CUBN: variants seen among roughly 807,000 people sequenced by gnomAD.
CUBN encodes cubilin.
A neutral mutation model predicts 405.3 loss-of-function variants in CUBN; 282 were observed. The ratio of observed to expected loss-of-function variants is 0.70; its 90% CI spans 0.63 to 0.77. The LOEUF is 0.77. CUBN is among the 30% of genes least tolerant of loss of function. The probability of loss-of-function intolerance (pLI) is 0.00; values close to 1 mark genes in which losing one functional copy is unlikely to be tolerated. For missense variants in CUBN, 4,514 were observed against 4,475.2 expected, an observed-to-expected ratio of 1.01 and a Z score of -0.25; for synonymous variants, 1,684 against 1,617.0, an observed-to-expected ratio of 1.04 and a Z score of -0.99.
chr10:16,847,507 C>T (rs914877718), intron 60 of CUBN, among the ~76,000 whole-genome samples: 5 of 152,092 alleles, frequency 3.3e-5, no homozygotes, highest in East Asian at 1.9e-4. Context: ...TTTATTTGTA[C>T]TTTAAATGTA....
intron 27 of CUBN, among the ~76,000 whole-genome samples, chr10:17,036,661 C>T (rs574795275): frequency 6.6e-6 from 1 of 152,150 alleles, no homozygotes; most frequent in South Asian, 2.1e-4. Flanking sequence ...ATTCTAGAAT[C>T]TCGTAGATCA....
intron 14 of CUBN, among the ~76,000 whole-genome samples, chr10:17,091,077 T>A (rs557274296): frequency 6.6e-6 from 1 of 152,252 alleles, no homozygotes; most frequent in East Asian, 1.9e-4. Flanking sequence ...TTTTCAGTCC[T>A]GAGGTAAATA....
In CUBN at chr10:16,851,412, T is replaced by C; in HGVS notation, c.9486A>G (p.Thr3162=). 2 of 1,614,150 alleles carry C rather than the reference T, an allele frequency of 1.2e-6. No homozygotes were observed. Among genetic ancestry groups the C allele is most frequent in the Non-Finnish European group, 1.7e-6 (2 of 1,180,020 alleles). ...GAGAGGCAAAGGTATTATTCGAGCC[T>C]GTCAGATAACCACCACATCCTTGCT... is the stretch of plus-strand genomic sequence containing the variant. ...GPQQGCGGYL[T]GSNNTFASPD... The change falls in exon 60 of 67, where the codon ACA becomes ACG. Residue 3162 remains threonine, a synonymous_variant. Transcript: ENST00000377833.
intron 17 of CUBN, among the ~76,000 whole-genome samples, chr10:17,074,848 G>A (rs918798705): frequency 2.0e-5 from 3 of 151,998 alleles, no homozygotes; most frequent in African/African-American, 7.2e-5. Context: ...AATATAATGT[G>A]TCTAGTGGGG....
intron 27 of CUBN, among the ~76,000 whole-genome samples, chr10:17,036,363 G>A (rs1418333582): frequency 1.3e-5 from 2 of 152,180 alleles, no homozygotes; most frequent in Admixed American, 1.3e-4. Flanking sequence ...GATGGGAATG[G>A]ATGGGAACAG....
intron 27 of CUBN, among the ~76,000 whole-genome samples, chr10:17,029,353 A>T (rs11813450): frequency 0.041 from 6,283 of 152,304 alleles, 308 homozygotes; most frequent in African/African-American, 0.11. Flanking sequence ...TCTTCTTTCA[A>T]TTTTTTATAA....
chr10:17,067,953 G>A, intron 21 of CUBN, 111 bp downstream of exon 21: 1 of 812,982 alleles, frequency 1.2e-6, no homozygotes, highest in South Asian at 1.5e-5. Context: ...TAAGAAGCAT[G>A]AGGATCTCAC....
rs765464371 is a variant in CUBN at position 16,939,151 on chromosome 10, G to T, written c.5549-4C>A. On this transcript the variant is annotated splice_region_variant and splice_polypyrimidine_tract_variant and intron_variant, in intron 37 of 66. Transcript: ENST00000377833. Reference sequence around the variant, plus strand: ...ACAATATTATCATTGCCAAATACTAGGAGGGAAGACAGAGTAGTAAATCAG... The same window carrying T: ...ACAATATTATCATTGCCAAATACTATGAGGGAAGACAGAGTAGTAAATCAG... 5 of 1,611,626 alleles carry T rather than the reference G, an allele frequency of 3.1e-6. No individual in the cohort carries two copies. In the Admixed American group the frequency reaches 8.3e-5, roughly 27 times the overall value.
chr10:17,084,140 T>C, intron 17 of CUBN, 131 bp downstream of exon 17: 1 of 836,914 alleles, frequency 1.2e-6, no homozygotes, highest in South Asian at 1.4e-5. Context: ...GCTTAGTTAT[T>C]ATTGTATTTC....
chr10:17,047,008 T>TC (rs1835150854), intron 23 of CUBN, among the ~76,000 whole-genome samples: 1 of 152,196 alleles, frequency 6.6e-6, no homozygotes, highest in Non-Finnish European at 1.5e-5. Context: ...GTGAAAACTT[T>TC]AAGATTGCTA....
chr10:16,970,856 C>CT (rs67549204), intron 31 of CUBN, among the ~76,000 whole-genome samples: 5 of 152,134 alleles, frequency 3.3e-5, no homozygotes, highest in African/African-American at 1.2e-4. Flanking sequence ...ACCTCAATGT[C>CT]TTTTTTTAAA....
chr10:17,006,064 C>T (rs538166995), intron 28 of CUBN, among the ~76,000 whole-genome samples: 42 of 152,208 alleles, frequency 2.8e-4, no homozygotes, highest in Non-Finnish European at 4.4e-4. Flanking sequence ...CCAACCCTGC[C>T]GACACCTTGA....
chr10:16,974,823 AC>A (rs1833044981), intron 31 of CUBN, among the ~76,000 whole-genome samples: 1 of 152,096 alleles, frequency 6.6e-6, no homozygotes, highest in Admixed American at 6.6e-5. Flanking sequence ...GAGGATGAAG[AC>A]CTTTATGATG....
Position 16,824,645 on chromosome 10 carries a change from C to A in CUBN, c.*330G>T, listed in dbSNP as rs181630914. 5.8e-6 allele frequency: 2 copies of A among 343,642 alleles called. No homozygotes were observed. The highest frequency in any genetic ancestry group is 1.1e-5 in the Non-Finnish European group (2 of 175,258). The allele number at this position is 343,642 out of a possible 1,614,324, so 21.3% of individuals were successfully genotyped here. A position where few individuals can be genotyped will look rare whatever the true frequency, so the allele number is the denominator to read the frequency against. On this transcript the variant is annotated 3_prime_UTR_variant, in exon 67 of 67. Coordinates refer to ENST00000377833, the MANE Select transcript of CUBN (RefSeq NM_001081.4). ...AAGCAATTCTCCTGCCTCAGCCTCT[C>A]GAGTGGCTGGAATTACAGGCACCCA... is the stretch of plus-strand genomic sequence containing the variant.
intron 14 of CUBN, among the ~76,000 whole-genome samples, chr10:17,090,826 T>TAAAAAAA (rs59564374): frequency 3.2e-5 from 3 of 94,012 alleles, no homozygotes; most frequent in Non-Finnish European, 4.9e-5. Flanking sequence ...AAATGTAAAG[T>TAAAAAAA]AAAAAAAAAA....
chr10:16,886,751 C>T (rs940192783), intron 56 of CUBN, among the ~76,000 whole-genome samples: 3 of 152,320 alleles, frequency 2.0e-5, no homozygotes, highest in Admixed American at 6.5e-5. Flanking sequence ...GAAGAAAGAA[C>T]GCCCAATGGT....
At chr10:16,926,841 ATCTAG>A (rs71472851) in intron 41 of CUBN, among the ~76,000 whole-genome samples, 2,486 of 150,972 alleles carry the variant, frequency 0.016, 72 homozygotes, top group African/African-American at 0.055. Context: ...CTATCTATCT[ATCTAG>A]TCTAATTGGG....
At chr10:17,122,609 C>T (rs1157242954) in intron 6 of CUBN, 186 bp downstream of exon 6, 1 of 638,966 alleles carries the variant, frequency 1.6e-6, no homozygotes, top group Non-Finnish European at 2.9e-6. Context: ...GAGTAAAGGA[C>T]TCATGAGCTT....
chr10:16,838,320 C>T lies in CUBN; in HGVS notation c.10033-1938G>A, dbSNP rs1191263011. Among the ~76,000 whole-genome samples the T allele has an allele frequency of 3.3e-5, 5 of 152,172 alleles. No homozygotes were observed. In the East Asian group the frequency reaches 9.6e-4, roughly 29 times the overall value. On this transcript the variant is annotated intron_variant, in intron 62 of 66. Coordinates refer to ENST00000377833, the MANE Select transcript of CUBN (RefSeq NM_001081.4). ...GAAAACTCAGAAGACAACAGATACT[C>T]TACTAGTCCAGCATATGGGGCTTTG...
Sources: allele counts gnomAD v4.1 joint callset (sites outside exome capture counted in the v4.1 genomes callset), GRCh38; gene constraint gnomAD v4.1.1; transcripts MANE v1.5; gene names NCBI Gene and HGNC (gene_info 2026-07-23, HGNC 2026-07-21).